PSD3: variants seen among roughly 807,000 people sequenced by gnomAD.
PSD3 encodes the protein PH and SEC7 domain-containing protein 3.
In PSD3, 49 loss-of-function variants were observed where a neutral mutation model predicts 105.5. That is an observed-to-expected ratio of 0.46 (90% confidence interval 0.37 to 0.59). PSD3 has a LOEUF of 0.59. Among genes scored for constraint, PSD3 ranks in the 20% least tolerant of loss-of-function variants. The probability of loss-of-function intolerance (pLI) is 0.00; values close to 1 mark genes in which losing one functional copy is unlikely to be tolerated. For synonymous variants in PSD3, 557 were observed against 457.8 expected (o/e 1.22, Z -2.77); for missense variants, 1,561 against 1,263.8 (o/e 1.24, Z -3.57).
intron 9 of PSD3, among the ~76,000 whole-genome samples, chr8:18,750,445 G>T (rs1274471606): frequency 3.3e-5 from 5 of 151,992 alleles, no homozygotes. Context: ...GGTCTTGCTG[G>T]GCTCAGGAGT....
At chr8:18,818,895 G>T (rs191763492) in intron 4 of PSD3, among the ~76,000 whole-genome samples, 1 of 152,206 alleles carries the variant, frequency 6.6e-6, no homozygotes, top group East Asian at 1.9e-4. Flanking sequence ...GGGCAGGTGG[G>T]TTGGGGGGAA....
intron 2 of PSD3, among the ~76,000 whole-genome samples, chr8:18,899,281 C>A (rs1324519829): frequency 6.6e-6 from 1 of 152,156 alleles, no homozygotes; most frequent in Non-Finnish European, 1.5e-5. Flanking sequence ...ACCCCTCATA[C>A]CTTTTTTCCC....
At chr8:18,995,126 G>C (rs567501084) in intron 1 of PSD3, among the ~76,000 whole-genome samples, 1 of 152,238 alleles carries the variant, frequency 6.6e-6, no homozygotes, top group East Asian at 1.9e-4. Context: ...TTAGCAAGTA[G>C]GAATCCAGAG....
intron 9 of PSD3, among the ~76,000 whole-genome samples, chr8:18,677,661 C>T (rs79526717): frequency 6.6e-6 from 1 of 152,090 alleles, no homozygotes; most frequent in Non-Finnish European, 1.5e-5. Flanking sequence ...AACTACGTCC[C>T]TGAAGAAGTC....
At chr8:18,582,871 G>A in intron 12 of PSD3, among the ~76,000 whole-genome samples, 1 of 145,438 alleles carries the variant, frequency 6.9e-6, no homozygotes, top group Non-Finnish European at 1.5e-5. Flanking sequence ...TGTCACCCAG[G>A]CTGGAGTGCA....
chr8:18,973,903 A>C (rs1358799016), intron 1 of PSD3, among the ~76,000 whole-genome samples: 1 of 152,180 alleles, frequency 6.6e-6, no homozygotes, highest in East Asian at 1.9e-4. Context: ...CGATACTGCT[A>C]TTATGACCAT....
chr8:18,988,143 G>C (rs1208225380), intron 1 of PSD3, among the ~76,000 whole-genome samples: 1 of 151,556 alleles, frequency 6.6e-6, no homozygotes, highest in Non-Finnish European at 1.5e-5. Flanking sequence ...GAATAAGTTA[G>C]GTGTATAAAG....
At chr8:18,874,296 G>A (rs1038733814) in intron 2 of PSD3, among the ~76,000 whole-genome samples, 47 of 151,766 alleles carry the variant, frequency 3.1e-4, no homozygotes, top group African/African-American at 1.1e-3. Context: ...AGAGTAGCTG[G>A]GACTACAGGT....
Position 18,781,892 on chromosome 8 carries a change from T to A in PSD3, c.2083-16354A>T, listed in dbSNP as rs545166020. On this transcript the variant is annotated intron_variant, in intron 8 of 15. Transcript: ENST00000327040. ...AAGCTTTCTTCGTTTTTATTTTTTT[T>A]AAAAATGTTATCTGCTCAGGTTATT... Among the ~76,000 whole-genome samples, 134 of 152,252 alleles carry A rather than the reference T, an allele frequency of 8.8e-4. 1 individual carries two copies. Among genetic ancestry groups the A allele is most frequent in the African/African-American group, 2.2e-3 (93 of 41,536 alleles).
chr8:18,748,373 T>C (rs905646516), intron 9 of PSD3, among the ~76,000 whole-genome samples: 1 of 152,226 alleles, frequency 6.6e-6, no homozygotes, highest in Non-Finnish European at 1.5e-5. Flanking sequence ...AATAAAGATT[T>C]TTCCAGGCTG....
chr8:18,741,461 A>G (rs754946598), intron 9 of PSD3, among the ~76,000 whole-genome samples: 2 of 152,206 alleles, frequency 1.3e-5, no homozygotes, highest in Non-Finnish European at 2.9e-5. Context: ...AGTAGCTTAT[A>G]TCATATTAAA....
intron 4 of PSD3, among the ~76,000 whole-genome samples, chr8:18,856,188 C>G (rs1317725233): frequency 6.6e-6 from 1 of 152,330 alleles, no homozygotes; most frequent in East Asian, 1.9e-4. Context: ...GCAGCACCCC[C>G]ACAAGGACCT....
chr8:18,694,643 A>T (rs1453215497), intron 9 of PSD3, among the ~76,000 whole-genome samples: 1 of 151,404 alleles, frequency 6.6e-6, no homozygotes, highest in Non-Finnish European at 1.5e-5. Context: ...TTCCTTCTCT[A>T]GATGGAAGCT....
At chr8:18,957,830 G>A (rs182043340) in intron 1 of PSD3, among the ~76,000 whole-genome samples, 3 of 152,310 alleles carry the variant, frequency 2.0e-5, no homozygotes, top group African/African-American at 4.8e-5. Flanking sequence ...GTGAAGTGTG[G>A]TGCAGCTAGC....
chr8:18,780,463 T>C (rs1289299135), intron 8 of PSD3, among the ~76,000 whole-genome samples: 2 of 152,218 alleles, frequency 1.3e-5, no homozygotes, highest in African/African-American at 4.8e-5. Flanking sequence ...TGAATTATTT[T>C]TTGGTTTTGT....
At chr8:19,038,105 A>C (rs1828004157) in intron 1 of PSD3, among the ~76,000 whole-genome samples, 1 of 152,044 alleles carries the variant, frequency 6.6e-6, no homozygotes, top group Admixed American at 6.6e-5. Flanking sequence ...AGTGCTTATC[A>C]AACCATATCA....
chr8:18,867,763 C>T lies in PSD3; in HGVS notation c.1545G>A (p.Met515Ile). ...LSVSADGGIV[M>I]GYSSGVTNGL... Reference sequence around the variant, plus strand: ...CATTGGTGACGCCACTAGAATAGCCCATCACGATGCCACCATCTGCAGACA... The same window carrying T: ...CATTGGTGACGCCACTAGAATAGCCTATCACGATGCCACCATCTGCAGACA... The change falls in exon 4 of 16, where the codon ATG (methionine) becomes ATA (isoleucine). Residue 515 changes from methionine to isoleucine, a missense_variant. Met to Ile is a conservative substitution (Grantham distance 10). Coordinates refer to ENST00000327040, the MANE Select transcript of PSD3 (RefSeq NM_015310.4). 6.2e-7 allele frequency: 1 copy of T among 1,614,132 alleles called. No homozygotes were observed. Among genetic ancestry groups the T allele is most frequent in the Non-Finnish European group, 8.5e-7 (1 of 1,180,014 alleles).
chr8:18,809,596 G>A (rs1003383630), intron 4 of PSD3, among the ~76,000 whole-genome samples: 3 of 152,070 alleles, frequency 2.0e-5, no homozygotes, highest in African/African-American at 7.2e-5. Context: ...ATTATTCATC[G>A]TTTTTCTGAA....
intron 1 of PSD3, among the ~76,000 whole-genome samples, chr8:19,078,706 C>G (rs1258579311): frequency 6.6e-6 from 1 of 151,892 alleles, no homozygotes; most frequent in African/African-American, 2.4e-5. Flanking sequence ...CAGCCCACAT[C>G]AGAGCAAAAA....
Sources: allele counts gnomAD v4.1 joint callset (sites outside exome capture counted in the v4.1 genomes callset), GRCh38; gene constraint gnomAD v4.1.1; transcripts MANE v1.5; gene names NCBI Gene and HGNC (gene_info 2026-07-23, HGNC 2026-07-21).